SSBP2: variants seen among roughly 807,000 people sequenced by gnomAD.
SSBP2 encodes single-stranded DNA-binding protein 2.
In SSBP2, 17 loss-of-function variants were observed where a neutral mutation model predicts 61.8. That is an observed-to-expected ratio of 0.28 (90% confidence interval 0.19 to 0.41). The LOEUF is 0.41. Ranked by LOEUF, SSBP2 falls within the 10% of genes least tolerant of loss-of-function variation. SSBP2 has a pLI of 1.00. For missense variants in SSBP2, 310 were observed against 458.7 expected, an observed-to-expected ratio of 0.68 and a Z score of 2.96; for synonymous variants, 139 against 141.3, an observed-to-expected ratio of 0.98 and a Z score of 0.12.
chr5:81,750,666 G>A (rs1757701086), intron 1 of SSBP2: 1 of 378,514 alleles, frequency 2.6e-6, no homozygotes, highest in East Asian at 5.5e-5. Flanking sequence ...AGTTACTTTG[G>A]AAGGTGAACC....
chr5:81,442,895 A>C (rs1319844561), intron 12 of SSBP2, 172 bp from the exon 13 acceptor site: 3 of 403,134 alleles, frequency 7.4e-6, no homozygotes, highest in Non-Finnish European at 1.3e-5. Flanking sequence ...TGACCCCAAA[A>C]TTGTCATTCT....
At chr5:81,472,589 TTTTA>T (rs760033404) in intron 8 of SSBP2, among the ~76,000 whole-genome samples, 1 of 152,066 alleles carries the variant, frequency 6.6e-6, no homozygotes, top group Non-Finnish European at 1.5e-5. Flanking sequence ...ATCAACTGGG[TTTTA>T]TTTATTTATT....
intron 3 of SSBP2, 64 bp downstream of exon 3, chr5:81,636,493 G>A: frequency 8.2e-7 from 1 of 1,221,848 alleles, no homozygotes; most frequent in Non-Finnish European, 1.1e-6. Flanking sequence ...ATCATAAACA[G>A]GTATAGTACA....
chr5:81,661,103 A>T (rs1376593416), intron 1 of SSBP2, among the ~76,000 whole-genome samples: 2 of 152,148 alleles, frequency 1.3e-5, no homozygotes, highest in African/African-American at 2.4e-5. Context: ...ACAGCAAACC[A>T]CAATGGCGCA....
intron 4 of SSBP2, among the ~76,000 whole-genome samples, chr5:81,591,403 G>A (rs1775488678): frequency 6.6e-6 from 1 of 152,086 alleles, no homozygotes; most frequent in Admixed American, 6.5e-5. Context: ...GACATATCAA[G>A]AAAGAATGAA....
rs913623375 is a variant in SSBP2, at chr5:81,415,246, T to A, written c.*5258A>T. 2 of 152,164 alleles carry A rather than the reference T, an allele frequency of 1.3e-5. No individual in the cohort carries two copies. Among genetic ancestry groups the A allele is most frequent in the African/African-American group, 2.4e-5 (1 of 41,448 alleles). 9.4% of individuals were successfully genotyped at this position (152,164 alleles called of 1,614,324 possible). A position where few individuals can be genotyped will look rare whatever the true frequency, so the allele number is the denominator to read the frequency against. On this transcript the variant is annotated 3_prime_UTR_variant, in exon 17 of 17. Coordinates refer to ENST00000320672, the MANE Select transcript of SSBP2 (RefSeq NM_012446.5). ...ATACTATACATTCACTGGCCACTTGTATCGATTAATGTTTTCAAAGACAGA... is the reference window on the plus strand; with the variant it reads ...ATACTATACATTCACTGGCCACTTGAATCGATTAATGTTTTCAAAGACAGA...
At chr5:81,425,897 G>T (rs1258335902) in intron 16 of SSBP2, among the ~76,000 whole-genome samples, 2 of 152,166 alleles carry the variant, frequency 1.3e-5, no homozygotes, top group African/African-American at 4.8e-5. Context: ...TACATAAAGA[G>T]TACTCAATAG....
chr5:81,746,295 C>G (rs968261744), intron 1 of SSBP2, among the ~76,000 whole-genome samples: 2 of 151,858 alleles, frequency 1.3e-5, no homozygotes, highest in African/African-American at 4.8e-5. Context: ...AGTTAAACAA[C>G]TTGTATTTTG....
In SSBP2 at chr5:81,724,389, G is replaced by A. The variant is rs573888828; in HGVS notation, c.62+26592C>T. ...TTAGCTACTTGATTGTTCCTATTAC[G>A]AATGTTGCTAAGTCAATTTTTTAAA... On this transcript the variant is annotated intron_variant, in intron 1 of 16. Coordinates refer to ENST00000320672, the MANE Select transcript of SSBP2 (RefSeq NM_012446.5). Among the ~76,000 whole-genome samples, 72 of 151,828 alleles carry A rather than the reference G, an allele frequency of 4.7e-4. 1 individual carries two copies. Among genetic ancestry groups the A allele is most frequent in the African/African-American group, 1.5e-3 (64 of 41,422 alleles).
At chr5:81,751,317 C>G, upstream of SSBP2, 1 of 553,744 alleles carries the variant, frequency 1.8e-6, no homozygotes, top group South Asian at 2.1e-5. Flanking sequence ...CTTCCCTCTC[C>G]GCTCTCCTCC....
chr5:81,432,607 A>G (rs1762364649), intron 15 of SSBP2, among the ~76,000 whole-genome samples: 3 of 151,998 alleles, frequency 2.0e-5, no homozygotes, highest in African/African-American at 7.2e-5. Context: ...TTAGCCGGGT[A>G]TGGTGGTGTG....
chr5:81,716,428 A>T (rs1034947154), intron 1 of SSBP2, among the ~76,000 whole-genome samples: 1 of 152,226 alleles, frequency 6.6e-6, no homozygotes, highest in Non-Finnish European at 1.5e-5. Flanking sequence ...ACATTAATGC[A>T]TGCTTACATA....
At chr5:81,614,060 A>G (rs1189622171) in intron 4 of SSBP2, among the ~76,000 whole-genome samples, 3 of 152,214 alleles carry the variant, frequency 2.0e-5, no homozygotes, top group Non-Finnish European at 2.9e-5. Flanking sequence ...AGGTTAGTAC[A>G]CATTTAAAGA....
intron 4 of SSBP2, among the ~76,000 whole-genome samples, chr5:81,569,547 A>G (rs1206996572): frequency 2.0e-5 from 3 of 152,196 alleles, no homozygotes; most frequent in Non-Finnish European, 2.9e-5. Flanking sequence ...GATTTTCCCT[A>G]AACACCTCAT....
intron 1 of SSBP2, among the ~76,000 whole-genome samples, chr5:81,725,789 G>A (rs1224855970): frequency 6.6e-6 from 1 of 152,130 alleles, no homozygotes; most frequent in Non-Finnish European, 1.5e-5. Context: ...GTTTGCAGAG[G>A]TGGAGTTGTG....
At chr5:81,510,568 C>T (rs1366988283) in intron 5 of SSBP2, among the ~76,000 whole-genome samples, 1 of 152,104 alleles carries the variant, frequency 6.6e-6, no homozygotes, top group African/African-American at 2.4e-5. Flanking sequence ...CAAGACCAGT[C>T]TGACCAACAG....
intron 1 of SSBP2, among the ~76,000 whole-genome samples, chr5:81,655,080 T>A (rs563238414): frequency 1.1e-3 from 171 of 151,680 alleles, no homozygotes; most frequent in African/African-American, 4.0e-3. Flanking sequence ...AGCCCAGGAG[T>A]TCAAGGCTGC....
intron 10 of SSBP2, among the ~76,000 whole-genome samples, chr5:81,449,353 G>C (rs1017047312): frequency 1.3e-5 from 2 of 152,140 alleles, no homozygotes; most frequent in Non-Finnish European, 2.9e-5. Flanking sequence ...CGACATTGCT[G>C]TGATAATTTA....
chr5:81,673,101 A>C (rs1282411886), intron 1 of SSBP2, among the ~76,000 whole-genome samples: 1 of 152,176 alleles, frequency 6.6e-6, no homozygotes, highest in Non-Finnish European at 1.5e-5. Flanking sequence ...TCGGCCTCCC[A>C]AAGTGCTGGA....
Sources: allele counts gnomAD v4.1 joint callset (sites outside exome capture counted in the v4.1 genomes callset), GRCh38; gene constraint gnomAD v4.1.1; transcripts MANE v1.5; gene names NCBI Gene and HGNC (gene_info 2026-07-23, HGNC 2026-07-21).